The following GPC3 variants were observed in gnomAD, a reference collection of about 807,000 sequenced individuals.
GPC3 encodes the protein glypican 3, also known as glypican-3.
Under a neutral mutation model 34.4 loss-of-function variants are expected in GPC3, and 3 were observed. The ratio of observed to expected loss-of-function variants is 0.09; its 90% CI spans 0.04 to 0.23. The LOEUF is 0.23. Among genes scored for constraint, GPC3 ranks in the 10% least tolerant of loss-of-function variants. GPC3 has a pLI of 1.00. For missense variants in GPC3, 351 were observed against 445.6 expected, an observed-to-expected ratio of 0.79 and a Z score of 1.91; for synonymous variants, 177 against 174.0, an observed-to-expected ratio of 1.02 and a Z score of -0.13.
chrX:133,937,751 T>G (rs748543715), intron 2 of GPC3, among the ~76,000 whole-genome samples: 1 of 111,815 alleles, frequency 8.9e-6, no homozygotes, highest in African/African-American at 3.3e-5. Context: ...AGTGTCCTTA[T>G]CAGCAGGACA....
chrX:133,865,426 A>G (rs2075962153), intron 2 of GPC3, among the ~76,000 whole-genome samples: 1 of 112,079 alleles, frequency 8.9e-6, no homozygotes, highest in Non-Finnish European at 1.9e-5. Flanking sequence ...AGTCACAGGC[A>G]ATCCTCTCCA....
chrX:133,740,496 C>T (rs941433156), intron 3 of GPC3, among the ~76,000 whole-genome samples: 2 of 112,189 alleles, frequency 1.8e-5, no homozygotes, highest in Admixed American at 9.4e-5. Flanking sequence ...TGTGAAGAAA[C>T]TGCTCAAAGA....
intron 7 of GPC3, among the ~76,000 whole-genome samples, chrX:133,583,255 C>T (rs753825554): frequency 5.4e-5 from 6 of 111,428 alleles, no homozygotes; most frequent in Non-Finnish European, 9.4e-5. Flanking sequence ...AAATTTAGCC[C>T]CTCAGAGCTA....
intron 5 of GPC3, among the ~76,000 whole-genome samples, chrX:133,671,593 GAAATTACAAGTAGATTT>G (rs1175038542): frequency 8.9e-6 from 1 of 112,211 alleles, no homozygotes; most frequent in Non-Finnish European, 1.9e-5. Flanking sequence ...CAGCCTTTCA[GAAATTACAAGTAGATTT>G]CAGTAGAGAG....
At chrX:133,706,894 A>G (rs969691968) in intron 3 of GPC3, among the ~76,000 whole-genome samples, 1 of 111,644 alleles carries the variant, frequency 9.0e-6, no homozygotes, top group African/African-American at 3.3e-5. Flanking sequence ...CCAAAAAGAC[A>G]CCTGCACCCA....
chrX:133,794,651 A>G (rs1409616338), intron 2 of GPC3, among the ~76,000 whole-genome samples: 1 of 111,608 alleles, frequency 9.0e-6, no homozygotes, highest in Non-Finnish European at 1.9e-5. Context: ...AGTAACTACC[A>G]TCAATTGGGG....
chrX:133,879,688 C>T (rs1364030861), intron 2 of GPC3, among the ~76,000 whole-genome samples: 2 of 109,743 alleles, frequency 1.8e-5, no homozygotes, highest in Non-Finnish European at 3.8e-5. Context: ...TGCCTGTAAT[C>T]CCAGCTACTC....
rs761769367 is a variant in GPC3, at chrX:133,591,618, G to C, written c.1573+4822C>G. ...TTATAAAGAACTTAGTGTTAATCAT[G>C]CCTAACAAATTGACTAGAATTCTTT... On this transcript the variant is annotated intron_variant, in intron 7 of 7. Coordinates refer to ENST00000370818, the MANE Select transcript of GPC3 (RefSeq NM_004484.4). Among the ~76,000 whole-genome samples, 4 of 111,919 alleles carry C rather than the reference G, an allele frequency of 3.6e-5. No homozygotes were observed. In the East Asian group the frequency reaches 1.1e-3, roughly 31 times the overall value.
intron 7 of GPC3, among the ~76,000 whole-genome samples, chrX:133,595,607 T>C (rs780168851): frequency 1.6e-4 from 18 of 111,071 alleles, no homozygotes; most frequent in Non-Finnish European, 3.4e-4. Flanking sequence ...CTCAGCTCAC[T>C]ACAACCACTG....
Position 133,985,363 on chromosome X carries a change from C to T in GPC3, c.87G>A (p.Pro29=). 8.3e-7 allele frequency: 1 copy of T among 1,202,475 alleles called. No homozygotes were observed. ...CTTGGTGACAGGTGGCGTCCGGCGG[C>T]GGCGGCGGGGGCTGCGCCTGTCCCG... The part of the protein sequence containing the change: ...DFPGQAQPPP[P]PPDATCHQVR... The change falls in exon 1 of 8, where the codon CCG becomes CCA. Residue 29 remains proline (P), a synonymous_variant. Coordinates refer to ENST00000370818, the MANE Select transcript of GPC3 (RefSeq NM_004484.4).
intron 7 of GPC3, among the ~76,000 whole-genome samples, chrX:133,539,263 A>G (rs913463992): frequency 3.6e-5 from 4 of 111,521 alleles, no homozygotes; most frequent in African/African-American, 1.3e-4. Context: ...GGGGTAGAAG[A>G]GCTATTTGAG....
intron 3 of GPC3, among the ~76,000 whole-genome samples, chrX:133,718,763 A>G (rs2071336308): frequency 9.0e-6 from 1 of 111,592 alleles, no homozygotes; most frequent in Non-Finnish European, 1.9e-5. Flanking sequence ...AGAAAAAGAT[A>G]TACCAACTAG....
intron 6 of GPC3, among the ~76,000 whole-genome samples, chrX:133,618,935 T>C (rs997741958): frequency 9.0e-6 from 1 of 110,959 alleles, no homozygotes; most frequent in Non-Finnish European, 1.9e-5. Context: ...TTGCAAACCA[T>C]ATATCTGAAG....
At chrX:133,734,958 A>G (rs190709062) in intron 3 of GPC3, among the ~76,000 whole-genome samples, 37 of 112,310 alleles carry the variant, frequency 3.3e-4, no homozygotes, top group Non-Finnish European at 6.0e-4. Flanking sequence ...ACTACAAAAC[A>G]TCATTGAAAG....
chrX:133,848,643 T>C (rs1030989208), intron 2 of GPC3, among the ~76,000 whole-genome samples: 9 of 111,332 alleles, frequency 8.1e-5, no homozygotes, highest in African/African-American at 2.9e-4. Flanking sequence ...AAGCATAAAG[T>C]TCAAAGGCAC....
At chrX:133,954,738 CTTTT>C (rs1166218378) in intron 1 of GPC3, among the ~76,000 whole-genome samples, 4 of 53,784 alleles carry the variant, frequency 7.4e-5, no homozygotes, top group Admixed American at 2.9e-4. Context: ...CAAACTTTCT[CTTTT>C]TTTTTTTTTT....
intron 2 of GPC3, among the ~76,000 whole-genome samples, chrX:133,788,041 T>A (rs2072119471): frequency 1.0e-5 from 1 of 99,825 alleles, no homozygotes; most frequent in African/African-American, 3.8e-5. Context: ...AGATGTTTTA[T>A]GATATATACA....
At chrX:133,600,643 G>C (rs1316639907) in intron 6 of GPC3, among the ~76,000 whole-genome samples, 1 of 111,583 alleles carries the variant, frequency 9.0e-6, no homozygotes, top group Admixed American at 9.5e-5. Flanking sequence ...TTAAAGAAGA[G>C]ACTGAAGCTC....
chrX:133,661,921 G>T (rs1233329459), intron 5 of GPC3, 71 bp from the exon 6 acceptor site: 44 of 1,158,695 alleles, frequency 3.8e-5, no homozygotes, highest in Non-Finnish European at 5.1e-5. Flanking sequence ...GACTGTATTT[G>T]GCATCAACAG....
Sources: allele counts gnomAD v4.1 joint callset (sites outside exome capture counted in the v4.1 genomes callset), GRCh38; gene constraint gnomAD v4.1.1; transcripts MANE v1.5; gene names NCBI Gene and HGNC (gene_info 2026-07-23, HGNC 2026-07-21).